The following FBXO33 variants were observed in gnomAD, a reference collection of about 807,000 sequenced individuals.
The protein encoded by FBXO33 is F-box protein 33, also known as F-box only protein 33.
In FBXO33, 22 loss-of-function variants were observed where a neutral mutation model predicts 46.3. The observed-to-expected ratio is 0.48, with a 90% CI of 0.34 to 0.68. The LOEUF is 0.68. Ranked by LOEUF, FBXO33 falls within the 30% of genes least tolerant of loss-of-function variation. The probability of loss-of-function intolerance (pLI) is 0.01; values close to 1 mark genes in which losing one functional copy is unlikely to be tolerated. For synonymous variants in FBXO33, 337 were observed against 291.3 expected (o/e 1.16, Z -1.60); for missense variants, 692 against 708.8 (o/e 0.98, Z 0.27).
rs1255735712 is a variant in FBXO33, at chr14:39,397,872, T to TTTATCTGATCACATTTATAAGATA, written c.*1620_*1643dup. 6.6e-6 allele frequency: 1 copy of TTTATCTGATCACATTTATAAGATA among 152,618 alleles called. No individual in the cohort carries two copies. The highest frequency in any genetic ancestry group is 1.5e-5 in the Non-Finnish European group (1 of 68,036). The allele number at this position is 152,618 out of a possible 1,614,324, so 9.5% of individuals were successfully genotyped here. On this transcript the variant is annotated 3_prime_UTR_variant, in exon 4 of 4. Transcript: ENST00000298097. ...CCTTACAGTTTCTGTCAGGAGTTAT[T>TTTATCTGATCACATTTATAAGATA]TTATCTGATCACATTTATAAGATAA...
At chr14:39,404,357 C>T (rs1595982241) in intron 1 of FBXO33, among the ~76,000 whole-genome samples, 3 of 152,150 alleles carry the variant, frequency 2.0e-5, no homozygotes, top group Non-Finnish European at 2.9e-5. Context: ...GATGGAGTCT[C>T]GCTCTGTCGC....
intron 1 of FBXO33, among the ~76,000 whole-genome samples, chr14:39,417,820 C>T (rs556283538): frequency 1.3e-5 from 2 of 151,838 alleles, no homozygotes; most frequent in Non-Finnish European, 2.9e-5. Flanking sequence ...TGAGCCACCA[C>T]GCCTGGCCCA....
Position 39,402,440 on chromosome 14 carries a change from T to A in FBXO33, c.671A>T (p.Tyr224Phe). ...LQQQGSLSNT[Y>F]LSKVDPDGKK... is the part of the protein sequence containing the mutation. ...GCCATCAGGGTCCACCTTGCTGAGG[T>A]ATGTATTTGACAAACTTCCTTGCTG... The change falls in exon 2 of 4, where the codon TAC (tyrosine) becomes TTC (phenylalanine). Residue 224 changes from tyrosine to phenylalanine, a missense_variant. Tyr to Phe is a conservative substitution (Grantham distance 22). Around this residue, in one of 3 missense-constraint regions of FBXO33, gnomAD observed 412 missense variants for 370.8 expected, o/e 1.11. Coordinates refer to ENST00000298097, the MANE Select transcript of FBXO33 (RefSeq NM_203301.4). The A allele has an allele frequency of 6.3e-7, 1 of 1,582,546 alleles. No homozygotes were observed. The highest frequency in any genetic ancestry group is 8.6e-7 in the Non-Finnish European group (1 of 1,163,978).
rs1330578094 is a variant in FBXO33 at position 39,398,265 on chromosome 14, C to G, written c.*1251G>C. ...GGTCAGGTGGAAGTCTCACAGAGAC[C>G]ACGTCTGTACCGCGGTTGCCCTGAA... On this transcript the variant is annotated 3_prime_UTR_variant, in exon 4 of 4. Coordinates refer to ENST00000298097, the MANE Select transcript of FBXO33 (RefSeq NM_203301.4). 1 of 152,538 alleles carries G rather than the reference C, an allele frequency of 6.6e-6. No homozygotes were observed. The highest frequency in any genetic ancestry group is 2.4e-5 in the African/African-American group (1 of 41,394). 9.4% of individuals were successfully genotyped at this position (152,538 alleles called of 1,614,324 possible). A position where few individuals can be genotyped will look rare whatever the true frequency, so the allele number is the denominator to read the frequency against.
At position 39,418,691 on chromosome 14, in the gene FBXO33, C is replaced by T. The variant is rs559017887; in HGVS notation, c.599+12873G>A. ...TCGGGAGGCTGAGGCAGGAGAATGACGTGAACCCGGAAGGCAGAGGTTGCA... is the reference window on the plus strand; with the variant it reads ...TCGGGAGGCTGAGGCAGGAGAATGATGTGAACCCGGAAGGCAGAGGTTGCA... On this transcript the variant is annotated intron_variant, in intron 1 of 3. Coordinates refer to ENST00000298097, the MANE Select transcript of FBXO33 (RefSeq NM_203301.4). Among the ~76,000 whole-genome samples the T allele has an allele frequency of 4.0e-5, 6 of 149,928 alleles. No homozygotes were observed. In the South Asian group the frequency reaches 6.4e-4, roughly 16 times the overall value.
chr14:39,415,555 T>C, intron 1 of FBXO33, among the ~76,000 whole-genome samples: 1 of 152,240 alleles, frequency 6.6e-6, no homozygotes, highest in East Asian at 1.9e-4. Flanking sequence ...AATATAATTG[T>C]ATGCAAAAAC....
chr14:39,430,764 G>A (rs2415549), intron 1 of FBXO33, among the ~76,000 whole-genome samples: 40,356 of 152,030 alleles, frequency 0.27, 5,617 homozygotes, highest in East Asian at 0.51. Flanking sequence ...TGGAGGTGGC[G>A]ATGGAGAAAA....
chr14:39,424,878 C>T (rs779381586), intron 1 of FBXO33, among the ~76,000 whole-genome samples: 1 of 151,994 alleles, frequency 6.6e-6, no homozygotes, highest in Non-Finnish European at 1.5e-5. Flanking sequence ...TATGGTGAAA[C>T]CCCGTCTCTA....
rs150329170 is a variant in FBXO33, at chr14:39,404,732, C to T, written c.600-2221G>A. 5.5e-3 allele frequency among the ~76,000 whole-genome samples: 842 copies of T among 152,112 alleles called. 12 individuals carry two copies. The highest frequency in any genetic ancestry group is 0.019 in the African/African-American group (788 of 41,508). The stretch of plus-strand genomic sequence containing the variant: ...TTTGCAGCACTTGAAGAGATCAAAG[C>T]GAGCTGAAAAGAATCCAGAGTGACT... On this transcript the variant is annotated intron_variant, in intron 1 of 3. Coordinates refer to ENST00000298097, the MANE Select transcript of FBXO33 (RefSeq NM_203301.4).
chr14:39,431,781 G>A lies in FBXO33; in HGVS notation c.382C>T (p.Leu128Phe). ...SPAEQPRLEF[L>F]MRKCGWFVRE... ...ACGAACCAGCCGCACTTGCGCATGAGGAATTCCAGCCGAGGCTGCTCCGCG... is the reference window on the plus strand; with the variant it reads ...ACGAACCAGCCGCACTTGCGCATGAAGAATTCCAGCCGAGGCTGCTCCGCG... Residue 128 changes from leucine (L) to phenylalanine (F), a missense_variant, in exon 1 of 4, where the codon CTC (leucine) becomes TTC (phenylalanine). Physicochemically the swap from Leu to Phe is conservative, Grantham distance 22. This residue lies in a region of FBXO33 where 412 missense variants were observed against 370.8 expected (regional missense o/e 1.11). Coordinates refer to ENST00000298097, the MANE Select transcript of FBXO33 (RefSeq NM_203301.4). 1.9e-6 allele frequency: 3 copies of A among 1,612,684 alleles called. No individual in the cohort carries two copies. The highest frequency in any genetic ancestry group is 2.2e-5 in the South Asian group (2 of 91,082).
chr14:39,411,117 A>G (rs1292122620), intron 1 of FBXO33, among the ~76,000 whole-genome samples: 4 of 151,420 alleles, frequency 2.6e-5, no homozygotes, highest in Admixed American at 2.6e-4. Flanking sequence ...TTTTTTTGAG[A>G]CAGAGTCTTG....
At chr14:39,406,859 G>T (rs1179428660) in intron 1 of FBXO33, among the ~76,000 whole-genome samples, 2 of 152,106 alleles carry the variant, frequency 1.3e-5, no homozygotes, top group African/African-American at 4.8e-5. Context: ...AATATACTCA[G>T]AAATGGCAGA....
chr14:39,409,763 CAGA>C (rs1366956809), intron 1 of FBXO33, among the ~76,000 whole-genome samples: 4 of 152,110 alleles, frequency 2.6e-5, no homozygotes, highest in African/African-American at 9.7e-5. Context: ...ATCAGTAAAA[CAGA>C]AGACTTTCAC....
chr14:39,430,749 G>C (rs751413214), intron 1 of FBXO33, among the ~76,000 whole-genome samples: 10 of 152,244 alleles, frequency 6.6e-5, no homozygotes, highest in Non-Finnish European at 4.4e-5. Context: ...AAATTAATAG[G>C]GTTTTGGAGG....
At chr14:39,428,651 T>C (rs1595989423) in intron 1 of FBXO33, among the ~76,000 whole-genome samples, 1 of 152,228 alleles carries the variant, frequency 6.6e-6, no homozygotes, top group South Asian at 2.1e-4. Flanking sequence ...GTATTTTTAG[T>C]GACTGAGTCT....
intron 1 of FBXO33, among the ~76,000 whole-genome samples, chr14:39,425,575 T>C (rs1472757814): frequency 1.3e-5 from 2 of 152,248 alleles, no homozygotes; most frequent in African/African-American, 2.4e-5. Flanking sequence ...CTTGGGCTGG[T>C]TCTATTCTTC....
At position 39,432,149 on chromosome 14, in the gene FBXO33, A is replaced by C. The variant is rs1567081774; in HGVS notation, c.14T>G (p.Leu5Trp). MLLF[L>W]SVPQPRPPGA... The stretch of plus-strand genomic sequence containing the variant: ...CGGCGGTCGGGGCTGCGGCACTGAC[A>C]AGAACAACAACATCAATGACTAGGA... The change falls in exon 1 of 4, where the codon TTG becomes TGG. Residue 5 changes from leucine (L) to tryptophan (W), a missense_variant. This residue lies in a region of FBXO33 where 412 missense variants were observed against 370.8 expected (regional missense o/e 1.11). Transcript: ENST00000298097. 6 of 1,235,802 alleles carry C rather than the reference A, an allele frequency of 4.9e-6. No individual in the cohort carries two copies. The highest frequency in any genetic ancestry group is 5.1e-6 in the Non-Finnish European group (5 of 989,438). The allele number at this position is 1,235,802 out of a possible 1,614,324, so 76.6% of individuals were successfully genotyped here.
intron 1 of FBXO33, among the ~76,000 whole-genome samples, chr14:39,418,789 A>C (rs1432019225): frequency 1.6e-4 from 21 of 133,396 alleles, no homozygotes; most frequent in Non-Finnish European, 2.2e-4. Flanking sequence ...AAAAAAAAAA[A>C]CAAAAAAAAA....
At chr14:39,412,054 T>A (rs1467835038) in intron 1 of FBXO33, among the ~76,000 whole-genome samples, 1 of 152,224 alleles carries the variant, frequency 6.6e-6, no homozygotes, top group Non-Finnish European at 1.5e-5. Flanking sequence ...TGGAATGTTC[T>A]GTATATGTCT....
Sources: allele counts gnomAD v4.1 joint callset (sites outside exome capture counted in the v4.1 genomes callset), GRCh38; gene constraint gnomAD v4.1.1; regional missense constraint gnomAD v4.1.1; transcripts MANE v1.5; gene names NCBI Gene and HGNC (gene_info 2026-07-23, HGNC 2026-07-21).